The following IFT81 variants were observed in gnomAD, a reference collection of about 807,000 sequenced individuals.
IFT81 encodes the protein intraflagellar transport 81.
IFT81 carries 72 observed loss-of-function variants against 102.6 expected under a neutral mutation model. The observed-to-expected ratio is 0.70, with a 90% CI of 0.58 to 0.85. IFT81 has a LOEUF of 0.85. Ranked by LOEUF, IFT81 falls within the 40% of genes least tolerant of loss-of-function variation. The pLI, the probability that IFT81 is intolerant of heterozygous loss-of-function variation, is 0.00. For missense variants in IFT81, 723 were observed against 787.3 expected, an observed-to-expected ratio of 0.92 and a Z score of 0.98; for synonymous variants, 237 against 242.7, an observed-to-expected ratio of 0.98 and a Z score of 0.22.
At chr12:110,151,376 C>T (rs975447574) in intron 10 of IFT81, among the ~76,000 whole-genome samples, 1 of 152,142 alleles carries the variant, frequency 6.6e-6, no homozygotes, top group Non-Finnish European at 1.5e-5. Context: ...TTTTTAATTG[C>T]TGACTAATAC....
intron 14 of IFT81, among the ~76,000 whole-genome samples, chr12:110,194,539 G>C (rs956641406): frequency 2.0e-5 from 3 of 151,998 alleles, no homozygotes; most frequent in African/African-American, 7.2e-5. Context: ...CTTCCAAAAT[G>C]CTGGGATTAT....
chr12:110,146,692 G>A (rs1199078010), intron 9 of IFT81, among the ~76,000 whole-genome samples: 1 of 152,036 alleles, frequency 6.6e-6, no homozygotes, highest in African/African-American at 2.4e-5. Context: ...ATTCCAGATG[G>A]GTGCCATGGC....
At chr12:110,130,902 T>G (rs1181925582) in intron 4 of IFT81, among the ~76,000 whole-genome samples, 1 of 152,146 alleles carries the variant, frequency 6.6e-6, no homozygotes, top group East Asian at 1.9e-4. Context: ...ACATATTATC[T>G]TTTGGAATGA....
At chr12:110,187,482 C>G (rs773161448) in intron 12 of IFT81, among the ~76,000 whole-genome samples, 1 of 152,176 alleles carries the variant, frequency 6.6e-6, no homozygotes, top group Admixed American at 6.6e-5. Context: ...CCAGGCTGGT[C>G]TTGAACTCCT....
chr12:110,174,957 A>G (rs1281509634), intron 11 of IFT81, among the ~76,000 whole-genome samples: 2 of 152,202 alleles, frequency 1.3e-5, no homozygotes, highest in Non-Finnish European at 2.9e-5. Flanking sequence ...GTACTCTCTC[A>G]GCACCTGCTA....
At chr12:110,134,639 T>A (rs1238943390) in intron 5 of IFT81, among the ~76,000 whole-genome samples, 1 of 152,104 alleles carries the variant, frequency 6.6e-6, no homozygotes, top group East Asian at 1.9e-4. Context: ...TTATAGAAAA[T>A]TTTTCAAAAA....
At chr12:110,193,103 C>A (rs1897865967) in intron 14 of IFT81, among the ~76,000 whole-genome samples, 1 of 152,180 alleles carries the variant, frequency 6.6e-6, no homozygotes, top group South Asian at 2.1e-4. Flanking sequence ...GTCAGGATTG[C>A]AGTGAGCCAT....
At chr12:110,135,892 T>G (rs1894476458) in intron 7 of IFT81, among the ~76,000 whole-genome samples, 1 of 148,424 alleles carries the variant, frequency 6.7e-6, no homozygotes, top group African/African-American at 2.5e-5. Flanking sequence ...AAAAGATAAA[T>G]ATTTTGTGGC....
chr12:110,187,518 G>C (rs1453005469), intron 12 of IFT81, among the ~76,000 whole-genome samples: 2 of 152,116 alleles, frequency 1.3e-5, no homozygotes, highest in East Asian at 3.8e-4. Flanking sequence ...GCCCTTCTCG[G>C]CCTCCCAAAG....
At chr12:110,201,884 C>A (rs1308154544) in intron 14 of IFT81, among the ~76,000 whole-genome samples, 2 of 152,184 alleles carry the variant, frequency 1.3e-5, no homozygotes, top group Non-Finnish European at 2.9e-5. Context: ...CAATAACACA[C>A]ATGAAGATGT....
rs576842860 is a variant in IFT81, at chr12:110,195,626, T to C, written c.1557+2920T>C. On this transcript the variant is annotated intron_variant, in intron 14 of 18. Coordinates refer to ENST00000242591, the MANE Select transcript of IFT81 (RefSeq NM_014055.4). ...CATATAACATTTACATTCTCCTCTGTTACCCTACTTCTCGCTTTGGTTTTC... is the reference window on the plus strand; with the variant it reads ...CATATAACATTTACATTCTCCTCTGCTACCCTACTTCTCGCTTTGGTTTTC... 1.3e-4 allele frequency among the ~76,000 whole-genome samples: 20 copies of C among 152,318 alleles called. 1 individual carries two copies. The East Asian group carries it at 2.9e-3, about 22-fold the overall frequency.
At chr12:110,217,652 C>G (rs1400587841) in intron 18 of IFT81, among the ~76,000 whole-genome samples, 1 of 151,948 alleles carries the variant, frequency 6.6e-6, no homozygotes, top group Non-Finnish European at 1.5e-5. Flanking sequence ...AACTCCGCCT[C>G]CCAGGTTCAA....
At chr12:110,178,797 A>C (rs1406834705) in intron 11 of IFT81, among the ~76,000 whole-genome samples, 1 of 148,786 alleles carries the variant, frequency 6.7e-6, no homozygotes, top group Non-Finnish European at 1.5e-5. Flanking sequence ...TTGTATTTTT[A>C]GTAGAGATGG....
intron 11 of IFT81, among the ~76,000 whole-genome samples, chr12:110,166,901 A>G (rs1299966067): frequency 6.6e-6 from 1 of 151,956 alleles, no homozygotes; most frequent in Non-Finnish European, 1.5e-5. Flanking sequence ...GTCGATATGT[A>G]GTTATTTGAT....
At chr12:110,199,150 T>C (rs1898149110) in intron 14 of IFT81, among the ~76,000 whole-genome samples, 1 of 152,104 alleles carries the variant, frequency 6.6e-6, no homozygotes, top group African/African-American at 2.4e-5. Flanking sequence ...TCCTTTATAG[T>C]TTTTATTATT....
At chr12:110,125,546 C>A (rs1343272808) in intron 1 of IFT81, among the ~76,000 whole-genome samples, 2 of 152,130 alleles carry the variant, frequency 1.3e-5, no homozygotes, top group African/African-American at 4.8e-5. Context: ...CGGCGCCCGC[C>A]ACCACACCTG....
intron 11 of IFT81, among the ~76,000 whole-genome samples, chr12:110,171,078 T>A (rs1315973886): frequency 1.3e-5 from 2 of 152,166 alleles, no homozygotes; most frequent in Non-Finnish European, 2.9e-5. Flanking sequence ...TTTTAGAACC[T>A]TTCAAATCAC....
chr12:110,129,827 G>A (rs1894057076), intron 4 of IFT81, among the ~76,000 whole-genome samples: 1 of 151,800 alleles, frequency 6.6e-6, no homozygotes, highest in Non-Finnish European at 1.5e-5. Flanking sequence ...AGATTTAAAA[G>A]GACTTTGATT....
chr12:110,185,689 C>T (rs1897498229), intron 12 of IFT81, among the ~76,000 whole-genome samples: 1 of 152,092 alleles, frequency 6.6e-6, no homozygotes, highest in African/African-American at 2.4e-5. Context: ...TCACTGCAGC[C>T]TCAACCTCCT....
Sources: gnomAD v4.1 joint callset for allele counts (sites outside exome capture counted in the v4.1 genomes callset) on GRCh38, gnomAD v4.1.1 for gene constraint, MANE v1.5 for transcripts, NCBI Gene and HGNC (gene_info 2026-07-23, HGNC 2026-07-21) for gene names.